The following TFEC variants were observed in gnomAD, a reference collection of about 807,000 sequenced individuals.
The protein encoded by TFEC is transcription factor EC.
Under a neutral mutation model 41.6 loss-of-function variants are expected in TFEC, and 31 were observed. That is an observed-to-expected ratio of 0.74 (90% CI 0.56 to 1.01). The LOEUF (loss-of-function observed/expected upper bound fraction) is 1.01, where lower values mean the gene tolerates loss of function less well. Among genes scored for constraint, TFEC ranks in the 50% least tolerant of loss-of-function variants. The pLI, the probability that TFEC is intolerant of heterozygous loss-of-function variation, is 0.00. For missense variants in TFEC, 402 were observed against 404.1 expected (o/e 0.99, Z 0.04); for synonymous variants, 143 against 140.6 (o/e 1.02, Z -0.12).
At chr7:115,958,583 T>C (rs574139850) in intron 3 of TFEC, among the ~76,000 whole-genome samples, 1 of 151,960 alleles carries the variant, frequency 6.6e-6, no homozygotes, top group African/African-American at 2.4e-5. Flanking sequence ...ATTACAGATA[T>C]ACCGCAACAA....
Position 115,954,719 on chromosome 7 carries a change from C to T in TFEC, c.383-77G>A, listed in dbSNP as rs2402017. 0.081 allele frequency: 86,510 copies of T among 1,073,074 alleles called. 6,531 individuals are homozygous for T. Among genetic ancestry groups the T allele is most frequent in the East Asian group, 0.4 (16,557 of 40,896 alleles). The allele number at this position is 1,073,074 out of a possible 1,614,324, so 66.5% of individuals were successfully genotyped here. A position where few individuals can be genotyped will look rare whatever the true frequency, so the allele number is the denominator to read the frequency against. ...CTCCAGGCAACATAATTCAGAACTC[C>T]TAGGTGAAAATAAAATATTATTTGC... is the stretch of plus-strand genomic sequence containing the variant. On this transcript the variant is annotated intron_variant, in intron 4 of 7. Coordinates refer to ENST00000265440, the MANE Select transcript of TFEC (RefSeq NM_012252.4).
At chr7:116,025,594 C>G (rs1178232712) in intron 1 of TFEC, among the ~76,000 whole-genome samples, 1 of 152,166 alleles carries the variant, frequency 6.6e-6, no homozygotes, top group African/African-American at 2.4e-5. Flanking sequence ...AGGAAATACA[C>G]ACACACAGAC....
intron 1 of TFEC, among the ~76,000 whole-genome samples, chr7:116,027,829 G>T (rs1434075191): frequency 6.6e-6 from 1 of 152,148 alleles, no homozygotes; most frequent in Non-Finnish European, 1.5e-5. Context: ...GGAGGCATGA[G>T]AATCCTTATT....
intron 3 of TFEC, among the ~76,000 whole-genome samples, chr7:116,098,608 C>T (rs1483779908): frequency 1.3e-5 from 2 of 151,830 alleles, no homozygotes. Context: ...TAGACAAATC[C>T]ACAATTTTAG....
At chr7:116,091,084 T>G (rs990210322) in intron 3 of TFEC, among the ~76,000 whole-genome samples, 3 of 152,038 alleles carry the variant, frequency 2.0e-5, no homozygotes, top group Admixed American at 2.0e-4. Flanking sequence ...CTGCACGTTC[T>G]GCGCATGTAT....
intron 3 of TFEC, among the ~76,000 whole-genome samples, chr7:116,039,834 T>A (rs893510756): frequency 6.6e-6 from 1 of 152,086 alleles, no homozygotes; most frequent in Non-Finnish European, 1.5e-5. Flanking sequence ...AAAAAGTCCT[T>A]CAATACAAAA....
At chr7:116,113,069 A>G (rs970283995) in intron 1 of TFEC, among the ~76,000 whole-genome samples, 1 of 151,940 alleles carries the variant, frequency 6.6e-6, no homozygotes, top group African/African-American at 2.4e-5. Flanking sequence ...TTGCATGAAG[A>G]CAAAAGTCCT....
chr7:116,148,549 T>C (rs573393924), intron 1 of TFEC, among the ~76,000 whole-genome samples: 1 of 152,156 alleles, frequency 6.6e-6, no homozygotes, highest in Non-Finnish European at 1.5e-5. Flanking sequence ...TTATTTTGAG[T>C]ATAAAATGAC....
intron 1 of TFEC, among the ~76,000 whole-genome samples, chr7:116,004,575 T>C (rs1794717419): frequency 6.6e-6 from 1 of 152,196 alleles, no homozygotes; most frequent in East Asian, 1.9e-4. Flanking sequence ...AAAATCTCAG[T>C]ACCTTCTGCT....
chr7:116,035,182 A>C (rs745754613), upstream of TFEC, among the ~76,000 whole-genome samples: 13 of 152,026 alleles, frequency 8.6e-5, no homozygotes, highest in Non-Finnish European at 1.8e-4. Flanking sequence ...ATCATAAAAA[A>C]ATTCCCTACT....
At chr7:116,138,754 G>A (rs1417818416) in intron 1 of TFEC, among the ~76,000 whole-genome samples, 1 of 152,092 alleles carries the variant, frequency 6.6e-6, no homozygotes, top group African/African-American at 2.4e-5. Context: ...GATTTCAAAG[G>A]ATGAATAACA....
chr7:116,111,145 C>T (rs1159814758), intron 2 of TFEC, among the ~76,000 whole-genome samples: 1 of 150,686 alleles, frequency 6.6e-6, no homozygotes, highest in Non-Finnish European at 1.5e-5. Context: ...AAACAGTTGG[C>T]ATTCAGCTAA....
intron 3 of TFEC, among the ~76,000 whole-genome samples, chr7:116,101,706 G>A (rs1398239144): frequency 7.1e-6 from 1 of 141,500 alleles, no homozygotes; most frequent in East Asian, 2.3e-4. Flanking sequence ...GGGCAGGGGG[G>A]CAACAATGAA....
chr7:116,047,743 C>T (rs190180245), intron 3 of TFEC, among the ~76,000 whole-genome samples: 27 of 152,276 alleles, frequency 1.8e-4, no homozygotes, highest in Admixed American at 1.3e-3. Context: ...AACTGGGAGG[C>T]ACCGCCCAGT....
intron 3 of TFEC, among the ~76,000 whole-genome samples, chr7:115,966,564 G>A (rs937375314): frequency 2.6e-5 from 4 of 151,576 alleles, no homozygotes; most frequent in African/African-American, 4.8e-5. Flanking sequence ...AAAGCTCTAA[G>A]AAATGAAATC....
At chr7:115,945,739 T>C (rs1165481925) in intron 6 of TFEC, among the ~76,000 whole-genome samples, 1 of 151,754 alleles carries the variant, frequency 6.6e-6, no homozygotes, top group Non-Finnish European at 1.5e-5. Context: ...AGAAAAACAA[T>C]GCTTGCAATG....
At chr7:116,082,745 A>T (rs193029744) in intron 3 of TFEC, among the ~76,000 whole-genome samples, 1 of 151,952 alleles carries the variant, frequency 6.6e-6, no homozygotes, top group East Asian at 1.9e-4. Flanking sequence ...TAATTAGTAG[A>T]GATTTCATTA....
chr7:116,157,128 T>C (rs925178432), intron 1 of TFEC, among the ~76,000 whole-genome samples: 1 of 152,172 alleles, frequency 6.6e-6, no homozygotes, highest in Admixed American at 6.6e-5. Context: ...GTATCCTTCT[T>C]TTATCATATT....
chr7:116,142,155 G>A (rs568904997), intron 1 of TFEC, among the ~76,000 whole-genome samples: 1 of 152,270 alleles, frequency 6.6e-6, no homozygotes, highest in South Asian at 2.1e-4. Context: ...ATGATGAAAA[G>A]ATTACCTATA....
Sources: allele counts gnomAD v4.1 joint callset (sites outside exome capture counted in the v4.1 genomes callset), GRCh38; gene constraint gnomAD v4.1.1; transcripts MANE v1.5; gene names NCBI Gene and HGNC (gene_info 2026-07-23, HGNC 2026-07-21).